PCLO: variants seen among roughly 807,000 people sequenced by gnomAD.
The protein encoded by PCLO is piccolo presynaptic cytomatrix protein, also known as protein piccolo.
PCLO carries 82 observed loss-of-function variants against 427.5 expected under a neutral mutation model. The ratio of observed to expected loss-of-function variants is 0.19; its 90% CI spans 0.16 to 0.23. The LOEUF (loss-of-function observed/expected upper bound fraction) is 0.23. Among genes scored for constraint, PCLO ranks in the 10% least tolerant of loss-of-function variants. PCLO has a pLI of 1.00. For missense variants in PCLO, 6,239 were observed against 6,115.9 expected, an observed-to-expected ratio of 1.02 and a Z score of -0.67; for synonymous variants, 2,357 against 2,155.4, an observed-to-expected ratio of 1.09 and a Z score of -2.59.
At chr7:82,914,464 A>T (rs539094237) in intron 7 of PCLO, 1 of 619,192 alleles carries the variant, frequency 1.6e-6, no homozygotes, top group African/African-American at 1.8e-5. Context: ...ACAATCAAGA[A>T]ACAGAACAAT....
At chr7:82,836,006 T>C (rs1208123674) in intron 15 of PCLO, among the ~76,000 whole-genome samples, 1 of 152,076 alleles carries the variant, frequency 6.6e-6, no homozygotes, top group African/African-American at 2.4e-5. Context: ...GGACGTTTTA[T>C]TTGACAAATT....
intron 3 of PCLO, among the ~76,000 whole-genome samples, chr7:83,003,695 C>A (rs1787878691): frequency 6.6e-6 from 1 of 151,650 alleles, no homozygotes; most frequent in Non-Finnish European, 1.5e-5. Flanking sequence ...GATAAATCCC[C>A]CTTAAGTATG....
At chr7:82,837,450 T>A (rs928536423) in intron 15 of PCLO, among the ~76,000 whole-genome samples, 37 of 152,228 alleles carry the variant, frequency 2.4e-4, no homozygotes, top group African/African-American at 8.4e-4. Flanking sequence ...CTCCATTTGT[T>A]GATCTTATGT....
intron 10 of PCLO, among the ~76,000 whole-genome samples, chr7:82,859,782 G>C (rs1317382470): frequency 6.6e-6 from 1 of 152,032 alleles, no homozygotes; most frequent in Non-Finnish European, 1.5e-5. Context: ...TTTAGACAAA[G>C]AATTCAAAAT....
chr7:82,939,972 T>C (rs576004461), intron 6 of PCLO, among the ~76,000 whole-genome samples: 3 of 152,160 alleles, frequency 2.0e-5, no homozygotes, highest in African/African-American at 7.2e-5. Context: ...AGAAATACTT[T>C]ATGCAGTCCT....
In PCLO at chr7:83,156,220, T is replaced by C. The variant is rs1249969085; in HGVS notation, c.421A>G (p.Arg141Gly). Residue 141 changes from arginine to glycine, a missense_variant, in exon 2 of 25, where the codon AGA becomes GGA. Physicochemically the swap from Arg to Gly is moderately radical, Grantham distance 125 (BLOSUM62 -2). This residue lies in a region of PCLO where 4,677 missense variants were observed against 4,468.4 expected (regional missense o/e 1.05). Coordinates refer to ENST00000333891, the MANE Select transcript of PCLO (RefSeq NM_033026.6). ...STISLKESKS[R>G]TDLKEEHKSS... ...TTGTGCTCTTCCTTTAAATCAGTTC[T>C]GGACTTTGATTCTTTCAAGCTAATA... 1 of 1,613,798 alleles carries C rather than the reference T, an allele frequency of 6.2e-7. No homozygotes were observed. The highest frequency in any genetic ancestry group is 1.3e-5 in the African/African-American group (1 of 74,892).
intron 2 of PCLO, among the ~76,000 whole-genome samples, chr7:83,139,627 A>G (rs1791815188): frequency 6.6e-6 from 1 of 152,226 alleles, no homozygotes; most frequent in African/African-American, 2.4e-5. Flanking sequence ...GTCCCTTCAC[A>G]GGGAGAGAAT....
chr7:83,044,552 A>T (rs34625486), intron 3 of PCLO, among the ~76,000 whole-genome samples: 4,741 of 152,202 alleles, frequency 0.031, 115 homozygotes, highest in Admixed American at 0.066. Flanking sequence ...AACAGTTCCT[A>T]AGTCGGTTTT....
rs575735002 is a variant in PCLO, at chr7:83,111,786, G to C, written c.3300+22464C>G. ...TAAATTTGTGGCAACTTGTTACATA[G>C]CAATATAAAATTAACATTGTTGCAG... On this transcript the variant is annotated intron_variant, in intron 3 of 24. Coordinates refer to ENST00000333891, the MANE Select transcript of PCLO (RefSeq NM_033026.6). Among the ~76,000 whole-genome samples the C allele has an allele frequency of 7.2e-5, 11 of 152,260 alleles. 1 individual carries two copies. The East Asian group carries it at 2.1e-3, about 29-fold the overall frequency.
At chr7:83,033,102 C>T (rs138094189) in intron 3 of PCLO, among the ~76,000 whole-genome samples, 24 of 152,246 alleles carry the variant, frequency 1.6e-4, no homozygotes, top group African/African-American at 5.8e-4. Flanking sequence ...GCTTCCCCTT[C>T]ACCCTTCTGT....
intron 3 of PCLO, among the ~76,000 whole-genome samples, chr7:83,131,698 C>T (rs775773396): frequency 6.6e-6 from 1 of 152,054 alleles, no homozygotes; most frequent in Non-Finnish European, 1.5e-5. Context: ...CCCTCTGAGA[C>T]TGGCATGGAA....
At chr7:83,008,515 G>C (rs1562915941) in intron 3 of PCLO, among the ~76,000 whole-genome samples, 1 of 151,656 alleles carries the variant, frequency 6.6e-6, no homozygotes, top group South Asian at 2.1e-4. Context: ...CAAGATTACT[G>C]TTAGTAAAAT....
At chr7:83,100,145 A>T (rs1584024928) in intron 3 of PCLO, among the ~76,000 whole-genome samples, 1 of 152,212 alleles carries the variant, frequency 6.6e-6, no homozygotes, top group Admixed American at 6.5e-5. Context: ...TAATTGGCAA[A>T]AAAAATTGTT....
At chr7:83,029,455 G>GA (rs1325027968) in intron 3 of PCLO, among the ~76,000 whole-genome samples, 2 of 131,384 alleles carry the variant, frequency 1.5e-5, no homozygotes, top group Non-Finnish European at 3.2e-5. Flanking sequence ...AAAAAGTCAG[G>GA]AAACAACAGG....
At chr7:83,097,007 A>T (rs1185052441) in intron 3 of PCLO, among the ~76,000 whole-genome samples, 11 of 24,230 alleles carry the variant, frequency 4.5e-4, no homozygotes, top group African/African-American at 3.3e-3. Flanking sequence ...TTATATAAAT[A>T]ATATATATTA....
At chr7:83,122,286 C>CTTTTTTTTTTTTTTTTTTTTTTTTTTTTT (rs71074624) in intron 3 of PCLO, among the ~76,000 whole-genome samples, 1 of 128,302 alleles carries the variant, frequency 7.8e-6, no homozygotes, top group Non-Finnish European at 1.6e-5. Context: ...CTTTTCTTTT[C>CTTTTTTTTTTTTTTTTTTTTTTTTTTTTT]TTTTTTTTTT....
intron 3 of PCLO, among the ~76,000 whole-genome samples, chr7:83,099,797 A>C (rs1790691176): frequency 1.3e-5 from 2 of 151,682 alleles, no homozygotes; most frequent in South Asian, 4.1e-4. Context: ...CATCTAGAAC[A>C]TGATACATAC....
chr7:82,813,787 G>A (rs2522830), intron 20 of PCLO, among the ~76,000 whole-genome samples: 67,048 of 151,458 alleles, frequency 0.44, 16,487 homozygotes, highest in East Asian at 0.85. Context: ...TAAATGATAA[G>A]CACGTTTGCA....
intron 3 of PCLO, among the ~76,000 whole-genome samples, chr7:82,992,401 A>C (rs1368017706): frequency 6.6e-6 from 1 of 152,092 alleles, no homozygotes; most frequent in African/African-American, 2.4e-5. Flanking sequence ...GATGACCAAA[A>C]GTTGTTCAAA....
Sources: gnomAD v4.1 joint callset for allele counts (sites outside exome capture counted in the v4.1 genomes callset) on GRCh38, gnomAD v4.1.1 for gene constraint, gnomAD v4.1.1 regional missense constraint, MANE v1.5 for transcripts, NCBI Gene and HGNC (gene_info 2026-07-23, HGNC 2026-07-21) for gene names.